Variants in PTCRA observed in about 807,000 individuals in gnomAD.
The protein encoded by PTCRA is pre T-cell antigen receptor alpha.
In PTCRA, 9 loss-of-function variants were observed where a neutral mutation model predicts 13.4. That is an observed-to-expected ratio of 0.67 (90% CI 0.41 to 1.18). The LOEUF (loss-of-function observed/expected upper bound fraction) is 1.18, where lower values mean the gene tolerates loss of function less well. Among genes scored for constraint, PTCRA ranks in the 50% most tolerant of loss-of-function variants. The probability of loss-of-function intolerance (pLI) is 0.01; values close to 1 mark genes in which losing one functional copy is unlikely to be tolerated. For synonymous variants in PTCRA, 153 were observed against 161.9 expected, an observed-to-expected ratio of 0.94 and a Z score of 0.42; for missense variants, 353 against 359.8, an observed-to-expected ratio of 0.98 and a Z score of 0.15.
chr6:42,922,130 T>A lies in PTCRA; in HGVS notation c.59-897T>A, dbSNP rs1394650945. 3 of 673,052 alleles carry A rather than the reference T, an allele frequency of 4.5e-6. No individual in the cohort carries two copies. The East Asian group carries it at 8.2e-5, about 18-fold the overall frequency. The allele number at this position is 673,052 out of a possible 1,614,324, so 41.7% of individuals were successfully genotyped here. A position where few individuals can be genotyped will look rare whatever the true frequency, so the allele number is the denominator to read the frequency against. ...CACTCCACCTAGATTAACAAACGTT[T>A]AACATTTTGCCATATTTAAATCAGA... is the stretch of plus-strand genomic sequence containing the variant. On this transcript the variant is annotated intron_variant, in intron 1 of 3. Transcript: ENST00000304672.
intron 1 of PTCRA, among the ~76,000 whole-genome samples, chr6:42,917,896 G>A (rs985848317): frequency 1.3e-5 from 2 of 151,888 alleles, no homozygotes; most frequent in African/African-American, 4.8e-5. Flanking sequence ...AAAAAATATT[G>A]TTCCTTCAAC....
intron 1 of PTCRA, among the ~76,000 whole-genome samples, chr6:42,921,527 C>T (rs1212148224): frequency 6.8e-6 from 1 of 147,272 alleles, no homozygotes; most frequent in African/African-American, 2.5e-5. Flanking sequence ...AAGTGATTCT[C>T]CTGCCGCAGC....
chr6:42,916,153 C>T, intron 1 of PTCRA, 26 bp downstream of exon 1: 1 of 1,610,298 alleles, frequency 6.2e-7, no homozygotes, highest in South Asian at 1.1e-5. Flanking sequence ...GCCTTCCTCT[C>T]TGTCCCTCCT....
In PTCRA at chr6:42,923,144, G is replaced by A; in HGVS notation, c.176G>A (p.Ser59Asn). ...VLDVAPPGLD[S>N]PIWFSAGNGS... ...GATGTTGCACCCCCTGGCCTTGACA[G>A]CCCCATCTGGTTCTCAGCCGGCAAT... is the stretch of plus-strand genomic sequence containing the variant. Residue 59 changes from serine to asparagine, a missense_variant, in exon 2 of 4, where the codon AGC becomes AAC. Physicochemically the swap from Ser to Asn is conservative, Grantham distance 46. Transcript: ENST00000304672. 6.2e-7 allele frequency: 1 copy of A among 1,614,216 alleles called. No homozygotes were observed. The highest frequency in any genetic ancestry group is 8.5e-7 in the Non-Finnish European group (1 of 1,180,046).
At chr6:42,917,694 C>T (rs963697304) in intron 1 of PTCRA, among the ~76,000 whole-genome samples, 4 of 150,886 alleles carry the variant, frequency 2.7e-5, no homozygotes, top group East Asian at 3.9e-4. Flanking sequence ...GGATTACAGC[C>T]GCCCACCATC....
chr6:42,921,711 C>G (rs574222982), intron 1 of PTCRA, among the ~76,000 whole-genome samples: 1 of 142,664 alleles, frequency 7.0e-6, no homozygotes, highest in South Asian at 2.3e-4. Flanking sequence ...CCACCGTGCC[C>G]GGCCAACAAA....
chr6:42,925,492 G>A lies in PTCRA; in HGVS notation c.656G>A (p.Arg219His), dbSNP rs1205498227. Residue 219 changes from arginine (R) to histidine (H), a missense_variant, in exon 4 of 4, where the codon CGC becomes CAC. Transcript: ENST00000304672. This position sits in a 1 kb window ranked among gnomAD's most constrained non-coding sequence, Gnocchi z 4.4. ...CCCAGACCCCAGCCTCGGGACCGCC[G>A]CTGGGGTGACACCCCTCCGGGTCGG... The part of the protein sequence containing the change: ...SSPRPQPRDR[R>H]WGDTPPGRKP... The A allele has an allele frequency of 1.1e-5, 17 of 1,563,004 alleles. No homozygotes were observed. Among genetic ancestry groups the A allele is most frequent in the Middle Eastern group, 1.7e-4 (1 of 6,016 alleles).
chr6:42,921,996 G>C (rs1020596997), intron 1 of PTCRA, among the ~76,000 whole-genome samples: 4 of 151,950 alleles, frequency 2.6e-5, no homozygotes, highest in African/African-American at 9.7e-5. Flanking sequence ...CTGCACTCCA[G>C]TCTGGGAGAC....
At chr6:42,917,922 A>C (rs1473631521) in intron 1 of PTCRA, among the ~76,000 whole-genome samples, 7 of 152,070 alleles carry the variant, frequency 4.6e-5, no homozygotes, top group South Asian at 2.1e-4. Context: ...TAAATAAATA[A>C]ATACATACAT....
Position 42,923,030 on chromosome 6 carries a change from T to C in PTCRA, c.62T>C (p.Val21Ala). 1 of 1,614,076 alleles carries C rather than the reference T, an allele frequency of 6.2e-7. No individual in the cohort carries two copies. The highest frequency in any genetic ancestry group is 8.5e-7 in the Non-Finnish European group (1 of 1,179,952). ...ALGCPALPTG[V>A]GGTPFPSLAP... ...ACAGGTACATGCTCTCTTGCAGGTGTGGGCGGCACACCCTTTCCTTCTCTG... is the reference window on the plus strand; with the variant it reads ...ACAGGTACATGCTCTCTTGCAGGTGCGGGCGGCACACCCTTTCCTTCTCTG... The change falls in exon 2 of 4, where the codon GTG becomes GCG. Residue 21 changes from valine (V) to alanine (A), a missense_variant. Val to Ala is a moderately conservative substitution (Grantham distance 64, BLOSUM62 0). Coordinates refer to ENST00000304672, the MANE Select transcript of PTCRA (RefSeq NM_138296.3).
At chr6:42,918,013 T>C (rs781321829) in intron 1 of PTCRA, among the ~76,000 whole-genome samples, 9 of 152,098 alleles carry the variant, frequency 5.9e-5, no homozygotes, top group East Asian at 1.9e-4. Flanking sequence ...TCCAGCACTT[T>C]GGAAGGCCAA....
At chr6:42,921,533 G>A (rs546833222) in intron 1 of PTCRA, among the ~76,000 whole-genome samples, 13 of 142,620 alleles carry the variant, frequency 9.1e-5, no homozygotes, top group African/African-American at 3.1e-4. Flanking sequence ...TTCTCCTGCC[G>A]CAGCCTCCCA....
intron 1 of PTCRA, among the ~76,000 whole-genome samples, chr6:42,920,339 AAAT>A (rs1485077667): frequency 1.3e-5 from 2 of 151,834 alleles, no homozygotes; most frequent in Non-Finnish European, 2.9e-5. Context: ...AAATAATAAA[AAAT>A]AATAAAAGAT....
At position 42,925,414 on chromosome 6, in the gene PTCRA, C is replaced by T; in HGVS notation, c.578C>T (p.Ser193Phe). 2 of 1,555,614 alleles carry T rather than the reference C, an allele frequency of 1.3e-6. No individual in the cohort carries two copies. The highest frequency in any genetic ancestry group is 1.7e-6 in the Non-Finnish European group (2 of 1,149,228). ...ACCACCCGCCTGCGAGCCCTCGGCT[C>T]CCATCGACTGCACCCGGCCACGGAG... ...ATTTRLRALG[S>F]HRLHPATETG... The change falls in exon 4 of 4, where the codon TCC becomes TTC. Residue 193 changes from serine to phenylalanine, a missense_variant. Coordinates refer to ENST00000304672, the MANE Select transcript of PTCRA (RefSeq NM_138296.3). The surrounding 1 kb of genome is among the most constrained non-coding windows in gnomAD (Gnocchi z 4.4).
intron 1 of PTCRA, among the ~76,000 whole-genome samples, chr6:42,921,833 A>T (rs1581684707): frequency 6.6e-6 from 1 of 151,248 alleles, no homozygotes; most frequent in East Asian, 2.0e-4. Flanking sequence ...CAGGAGTCAG[A>T]GACCAGCCTG....
intron 1 of PTCRA, among the ~76,000 whole-genome samples, chr6:42,921,564 CA>C (rs1767164341): frequency 2.0e-5 from 3 of 147,792 alleles, no homozygotes; most frequent in Non-Finnish European, 4.5e-5. Context: ...ATTACAGGCA[CA>C]CACCACTAAG....
Position 42,925,728 on chromosome 6 carries a change from C to T in PTCRA, c.*46C>T. ...TGCGTCACACTGTGTGAGGCTGTGT[C>T]TCTGCCATCCAAAAGGGGGCCCCTT... On this transcript the variant is annotated 3_prime_UTR_variant, in exon 4 of 4. Transcript: ENST00000304672. The surrounding 1 kb of genome is among the most constrained non-coding windows in gnomAD (Gnocchi z 4.4). 7.4e-7 allele frequency: 1 copy of T among 1,351,300 alleles called. No individual in the cohort carries two copies. The highest frequency in any genetic ancestry group is 9.9e-7 in the Non-Finnish European group (1 of 1,005,230). 83.7% of individuals were successfully genotyped at this position (1,351,300 alleles called of 1,614,324 possible). A position where few individuals can be genotyped will look rare whatever the true frequency, so the allele number is the denominator to read the frequency against.
In PTCRA at chr6:42,925,737, C is replaced by T; in HGVS notation, c.*55C>T. On this transcript the variant is annotated 3_prime_UTR_variant, in exon 4 of 4. Transcript: ENST00000304672. The surrounding 1 kb of genome is among the most constrained non-coding windows in gnomAD (Gnocchi z 4.4). ...CTGTGTGAGGCTGTGTCTCTGCCATCCAAAAGGGGGCCCCTTGAGAATGGT... is the reference window on the plus strand; with the variant it reads ...CTGTGTGAGGCTGTGTCTCTGCCATTCAAAAGGGGGCCCCTTGAGAATGGT... 1 of 1,289,662 alleles carries T rather than the reference C, an allele frequency of 7.8e-7. No homozygotes were observed. The highest frequency in any genetic ancestry group is 1.0e-6 in the Non-Finnish European group (1 of 954,270). 79.9% of individuals were successfully genotyped at this position (1,289,662 alleles called of 1,614,324 possible).
At position 42,923,105 on chromosome 6, in the gene PTCRA, T is replaced by A. The variant is rs1287796880; in HGVS notation, c.137T>A (p.Val46Asp). Reference protein sequence around the residue: ...LVDGKQQMVVVCLVLDVAPPG... With the variant: ...LVDGKQQMVVDCLVLDVAPPG... ...GATGGAAAGCAGCAGATGGTGGTGG[T>A]CTGCCTGGTCCTTGATGTTGCACCC... Residue 46 changes from valine (V) to aspartate (D), a missense_variant, in exon 2 of 4, where the codon GTC becomes GAC. Coordinates refer to ENST00000304672, the MANE Select transcript of PTCRA (RefSeq NM_138296.3). 6 of 1,614,224 alleles carry A rather than the reference T, an allele frequency of 3.7e-6. No homozygotes were observed. The highest frequency in any genetic ancestry group is 5.1e-6 in the Non-Finnish European group (6 of 1,180,036).
Sources: allele counts gnomAD v4.1 joint callset (sites outside exome capture counted in the v4.1 genomes callset), GRCh38; gene constraint gnomAD v4.1.1; non-coding constraint Gnocchi (gnomAD v3.1); transcripts MANE v1.5; gene names NCBI Gene and HGNC (gene_info 2026-07-23, HGNC 2026-07-21).